MAP3K20: variants seen among roughly 807,000 people sequenced by gnomAD.
The protein encoded by MAP3K20 is HCCS-4.
In MAP3K20, 40 loss-of-function variants were observed where a neutral mutation model predicts 85.7. The observed-to-expected ratio is 0.47, with a 90% CI of 0.36 to 0.61. MAP3K20 has a LOEUF of 0.61. MAP3K20 is among the 20% of genes least tolerant of loss of function. MAP3K20 has a pLI of 0.00. For missense variants in MAP3K20, 817 were observed against 961.7 expected, an observed-to-expected ratio of 0.85 and a Z score of 1.99; for synonymous variants, 325 against 327.7, an observed-to-expected ratio of 0.99 and a Z score of 0.09.
intron 11 of MAP3K20, chr2:173,224,490 C>G (rs1684333386): frequency 1.0e-6 from 1 of 985,204 alleles, no homozygotes; most frequent in South Asian, 4.7e-5. Flanking sequence ...CTAACTTTAT[C>G]ATTAATTAGG....
intron 16 of MAP3K20, among the ~76,000 whole-genome samples, chr2:173,241,832 G>A (rs564107269): frequency 6.6e-6 from 1 of 152,234 alleles, no homozygotes; most frequent in South Asian, 2.1e-4. Context: ...TCTGGATACA[G>A]GTTTCTTACA....
chr2:173,130,886 A>G (rs79591367), intron 2 of MAP3K20, among the ~76,000 whole-genome samples: 1 of 152,232 alleles, frequency 6.6e-6, no homozygotes, highest in Non-Finnish European at 1.5e-5. Context: ...AGAATGTGAC[A>G]AGGTTTTAGG....
In MAP3K20 at chr2:173,075,936, C is replaced by T; in HGVS notation, c.-101C>T. ...CGCGGGCCGCTGTCGTCCCAACCCC[C>T]GCCGCCCTCGTCGCGCGCGGGGCCT... is the stretch of plus-strand genomic sequence containing the variant. On this transcript the variant is annotated 5_prime_UTR_variant, in exon 1 of 20. Coordinates refer to ENST00000375213, the MANE Select transcript of MAP3K20 (RefSeq NM_016653.3). The T allele has an allele frequency of 1.0e-6, 1 of 985,162 alleles. No homozygotes were observed. Among genetic ancestry groups the T allele is most frequent in the Non-Finnish European group, 1.2e-6 (1 of 829,892 alleles). The allele number at this position is 985,162 out of a possible 1,614,324, so 61.0% of individuals were successfully genotyped here. A position where few individuals can be genotyped will look rare whatever the true frequency, so the allele number is the denominator to read the frequency against.
chr2:173,156,590 C>A (rs1288078473), intron 2 of MAP3K20, among the ~76,000 whole-genome samples: 3 of 152,158 alleles, frequency 2.0e-5, no homozygotes, highest in Non-Finnish European at 4.4e-5. Flanking sequence ...AAAGACCGTG[C>A]AACCTAGATC....
chr2:173,243,938 TTTAACA>T (rs1330740548), intron 16 of MAP3K20, among the ~76,000 whole-genome samples: 4 of 152,170 alleles, frequency 2.6e-5, no homozygotes, highest in African/African-American at 9.7e-5. Flanking sequence ...GATTTACGTT[TTTAACA>T]GATCTTTCAG....
chr2:173,079,122 C>T (rs1686944812), intron 1 of MAP3K20, among the ~76,000 whole-genome samples: 1 of 152,176 alleles, frequency 6.6e-6, no homozygotes, highest in Non-Finnish European at 1.5e-5. Flanking sequence ...GATGCTATAG[C>T]CTACTACACA....
intron 11 of MAP3K20, chr2:173,223,865 A>G (rs1344964029): frequency 2.0e-6 from 2 of 985,330 alleles, no homozygotes; most frequent in East Asian, 2.3e-4. Flanking sequence ...AGTAGAGCAG[A>G]AGGGAGGGCT....
intron 16 of MAP3K20, among the ~76,000 whole-genome samples, chr2:173,243,877 C>T (rs1183410256): frequency 3.3e-5 from 5 of 152,166 alleles, no homozygotes; most frequent in African/African-American, 1.2e-4. Flanking sequence ...CCGCCCGCCT[C>T]GGCCTCCCAA....
chr2:173,172,943 G>A (rs535733219), intron 3 of MAP3K20, among the ~76,000 whole-genome samples: 8 of 151,858 alleles, frequency 5.3e-5, no homozygotes, highest in African/African-American at 1.7e-4. Flanking sequence ...GACTACAGGC[G>A]TGCGCCACCA....
intron 16 of MAP3K20, among the ~76,000 whole-genome samples, chr2:173,249,472 C>T (rs1022529919): frequency 2.6e-5 from 4 of 152,274 alleles, no homozygotes; most frequent in Admixed American, 6.5e-5. Flanking sequence ...ACAATGCCTA[C>T]TAACTAGGTT....
Position 173,090,992 on chromosome 2 carries a change from C to A in MAP3K20, c.-34-6C>A. On this transcript the variant is annotated splice_region_variant and splice_polypyrimidine_tract_variant and intron_variant, in intron 1 of 19. Transcript: ENST00000375213. ...ATTCAGCTTTTCTTTTTCTTTCTTTCTGCAGATTTTGTGGAAGTATAATAC... is the reference window on the plus strand; with the variant it reads ...ATTCAGCTTTTCTTTTTCTTTCTTTATGCAGATTTTGTGGAAGTATAATAC... 1.3e-6 allele frequency: 2 copies of A among 1,564,286 alleles called. No homozygotes were observed. The highest frequency in any genetic ancestry group is 1.7e-6 in the Non-Finnish European group (2 of 1,156,850).
At chr2:173,146,305 A>G (rs1332979189) in intron 2 of MAP3K20, among the ~76,000 whole-genome samples, 4 of 152,164 alleles carry the variant, frequency 2.6e-5, no homozygotes, top group Non-Finnish European at 5.9e-5. Context: ...AGAAGCGCCA[A>G]TCAATAACCA....
At chr2:173,124,682 G>A (rs544600076) in intron 2 of MAP3K20, among the ~76,000 whole-genome samples, 1 of 152,338 alleles carries the variant, frequency 6.6e-6, no homozygotes, top group East Asian at 1.9e-4. Flanking sequence ...GGGGTGTCCA[G>A]GAAACTTGCT....
chr2:173,142,182 T>C (rs1688993830), intron 2 of MAP3K20, among the ~76,000 whole-genome samples: 1 of 152,090 alleles, frequency 6.6e-6, no homozygotes, highest in African/African-American at 2.4e-5. Flanking sequence ...CGTTAAAATA[T>C]ATAACACATG....
intron 1 of MAP3K20, among the ~76,000 whole-genome samples, chr2:173,084,751 A>G (rs1687102127): frequency 6.6e-6 from 1 of 152,230 alleles, no homozygotes; most frequent in Non-Finnish European, 1.5e-5. Context: ...ATATGATATC[A>G]AGGGTTATTA....
Position 173,266,643 on chromosome 2 carries a change from G to A in MAP3K20, c.2296G>A (p.Gly766Arg), listed in dbSNP as rs763133997. Residue 766 changes from glycine to arginine, a missense_variant, in exon 20 of 20, where the codon GGG becomes AGG. Physicochemically the swap from Gly to Arg is moderately radical, Grantham distance 125. Coordinates refer to ENST00000375213, the MANE Select transcript of MAP3K20 (RefSeq NM_016653.3). ...ASEEDSKVSE[G>R]GWTKVEYRKK... The stretch of plus-strand genomic sequence containing the variant: ...TGAAGAGGACAGCAAAGTCAGCGAA[G>A]GGGGCTGGACAAAAGTGGAATACCG... The A allele has an allele frequency of 6.2e-7, 1 of 1,613,746 alleles. No individual in the cohort carries two copies. The highest frequency in any genetic ancestry group is 1.7e-5 in the Admixed American group (1 of 59,958).
At chr2:173,241,149 G>T (rs1247562796) in intron 16 of MAP3K20, among the ~76,000 whole-genome samples, 1 of 152,106 alleles carries the variant, frequency 6.6e-6, no homozygotes, top group Non-Finnish European at 1.5e-5. Flanking sequence ...TAGACAGAAT[G>T]AATAAGATCT....
chr2:173,098,541 C>T (rs1489228727), intron 2 of MAP3K20, among the ~76,000 whole-genome samples: 2 of 152,196 alleles, frequency 1.3e-5, no homozygotes, highest in Non-Finnish European at 2.9e-5. Context: ...TGGGTCCCAT[C>T]CCCAAGATAT....
At chr2:173,201,486 C>G (rs1691059206) in intron 8 of MAP3K20, among the ~76,000 whole-genome samples, 1 of 152,096 alleles carries the variant, frequency 6.6e-6, no homozygotes, top group Non-Finnish European at 1.5e-5. Context: ...CAGAAATCTT[C>G]ATAAGACTTA....
Sources: gnomAD v4.1 joint callset for allele counts (sites outside exome capture counted in the v4.1 genomes callset) on GRCh38, gnomAD v4.1.1 for gene constraint, MANE v1.5 for transcripts, NCBI Gene and HGNC (gene_info 2026-07-23, HGNC 2026-07-21) for gene names.